MAPK10: variants seen among roughly 807,000 people sequenced by gnomAD.
MAPK10 encodes the protein mitogen-activated protein kinase 10.
MAPK10 carries 25 observed loss-of-function variants against 59.3 expected under a neutral mutation model. The observed-to-expected ratio is 0.42, with a 90% CI of 0.31 to 0.59. The LOEUF (loss-of-function observed/expected upper bound fraction) is 0.59, where lower values mean the gene tolerates loss of function less well. Ranked by LOEUF, MAPK10 falls within the 20% of genes least tolerant of loss-of-function variation. The pLI is 0.15. For missense variants in MAPK10, 351 were observed against 568.9 expected (o/e 0.62, Z 3.90); for synonymous variants, 190 against 200.5 (o/e 0.95, Z 0.44).
At chr4:86,218,236 C>T (rs772189436) in intron 2 of MAPK10, among the ~76,000 whole-genome samples, 9 of 152,182 alleles carry the variant, frequency 5.9e-5, no homozygotes, top group East Asian at 1.9e-4. Context: ...CGGAGTCTCA[C>T]GCTGTCACCT....
At chr4:86,163,355 G>C (rs1299431491) in intron 3 of MAPK10, among the ~76,000 whole-genome samples, 2 of 151,986 alleles carry the variant, frequency 1.3e-5, no homozygotes. Flanking sequence ...AGTATTCCTT[G>C]TCATGACTAT....
At chr4:86,381,307 A>G (rs1484454800) in intron 1 of MAPK10, among the ~76,000 whole-genome samples, 2 of 152,152 alleles carry the variant, frequency 1.3e-5, no homozygotes, top group African/African-American at 4.8e-5. Context: ...TCCAAAGGCA[A>G]TGGGAGACAC....
At chr4:86,515,598 A>AT (rs1390831374) in intron 1 of MAPK10, among the ~76,000 whole-genome samples, 2 of 151,976 alleles carry the variant, frequency 1.3e-5, no homozygotes, top group South Asian at 2.1e-4. Flanking sequence ...GATATTGAGC[A>AT]TTTTTTCATA....
chr4:86,403,627 C>T (rs1160092671), intron 1 of MAPK10, among the ~76,000 whole-genome samples: 1 of 152,150 alleles, frequency 6.6e-6, no homozygotes, highest in African/African-American at 2.4e-5. Context: ...CCTCAGGAAA[C>T]TTACAATCAT....
At chr4:86,589,543 G>C (rs1041690419) in intron 1 of MAPK10, among the ~76,000 whole-genome samples, 1 of 151,942 alleles carries the variant, frequency 6.6e-6, no homozygotes, top group Non-Finnish European at 1.5e-5. Context: ...TTAGCCGGGC[G>C]TGGTGGCTTG....
chr4:86,463,478 T>C (rs1751925283), intron 1 of MAPK10, among the ~76,000 whole-genome samples: 1 of 152,228 alleles, frequency 6.6e-6, no homozygotes, highest in Non-Finnish European at 1.5e-5. Context: ...ATGGATGATA[T>C]ACTTTGTGCT....
intron 1 of MAPK10, among the ~76,000 whole-genome samples, chr4:86,547,492 G>T (rs1022501523): frequency 6.6e-6 from 1 of 152,184 alleles, no homozygotes; most frequent in Non-Finnish European, 1.5e-5. Context: ...TTGCCTTCCC[G>T]CAGGGCAGGG....
intron 6 of MAPK10, 73 bp downstream of exon 6, chr4:86,103,113 G>GTGTT (rs1561724282): frequency 1.2e-6 from 1 of 822,128 alleles, no homozygotes; most frequent in Non-Finnish European, 2.1e-6. Context: ...GTGTGTGTGT[G>GTGTT]TGTGGTGTGT....
At chr4:86,223,344 G>C (rs1483123184) in intron 2 of MAPK10, among the ~76,000 whole-genome samples, 2 of 151,982 alleles carry the variant, frequency 1.3e-5, no homozygotes, top group Non-Finnish European at 2.9e-5. Flanking sequence ...GGAACATCTG[G>C]ATCACCTATA....
At chr4:86,514,276 C>G (rs921573065) in intron 1 of MAPK10, among the ~76,000 whole-genome samples, 11 of 152,172 alleles carry the variant, frequency 7.2e-5, no homozygotes, top group Non-Finnish European at 1.3e-4. Flanking sequence ...ACAAAAAATA[C>G]TTTTGTAAGA....
intron 2 of MAPK10, among the ~76,000 whole-genome samples, chr4:86,218,071 T>C (rs2088254530): frequency 6.6e-6 from 1 of 152,172 alleles, no homozygotes; most frequent in African/African-American, 2.4e-5. Flanking sequence ...TATTTAACAG[T>C]ATCTATTCTG....
intron 2 of MAPK10, among the ~76,000 whole-genome samples, chr4:86,228,681 T>C (rs2091061305): frequency 6.6e-6 from 1 of 152,204 alleles, no homozygotes; most frequent in African/African-American, 2.4e-5. Context: ...TAATTATAAA[T>C]ATCTGTTACC....
chr4:86,422,310 G>T lies in MAPK10; in HGVS notation c.-122+30720C>A, dbSNP rs144248517. Among the ~76,000 whole-genome samples, 909 of 152,238 alleles carry T rather than the reference G, an allele frequency of 6.0e-3. 6 individuals carry two copies. Among genetic ancestry groups the T allele is most frequent in the African/African-American group, 0.02 (811 of 41,548 alleles). ...TGAATGAATGAAGTGTTAGGGACCAGACTTAATGTATTATACCTTAAGAGT... is the reference window on the plus strand; with the variant it reads ...TGAATGAATGAAGTGTTAGGGACCATACTTAATGTATTATACCTTAAGAGT... On this transcript the variant is annotated intron_variant, in intron 1 of 13. Transcript: ENST00000361569.
intron 1 of MAPK10, among the ~76,000 whole-genome samples, chr4:86,464,611 G>T (rs2149062932): frequency 6.6e-6 from 1 of 152,242 alleles, no homozygotes; most frequent in South Asian, 2.1e-4. Context: ...CACGAGGTCA[G>T]GAGATCAAGA....
chr4:86,502,958 T>C (rs1321873831), intron 1 of MAPK10, among the ~76,000 whole-genome samples: 1 of 152,090 alleles, frequency 6.6e-6, no homozygotes, highest in African/African-American at 2.4e-5. Flanking sequence ...CAAAGATTTA[T>C]TCTAGGAAGA....
intron 1 of MAPK10, among the ~76,000 whole-genome samples, chr4:86,471,248 G>A (rs527590622): frequency 7.8e-5 from 10 of 128,990 alleles, no homozygotes; most frequent in South Asian, 4.7e-4. Flanking sequence ...CAGCCTGAGC[G>A]ACACAGCAAG....
intron 9 of MAPK10, among the ~76,000 whole-genome samples, chr4:86,074,262 C>T (rs1411596964): frequency 7.0e-6 from 1 of 142,778 alleles, no homozygotes; most frequent in Non-Finnish European, 1.5e-5. Flanking sequence ...CTTCCTCCAT[C>T]CTTTTATTTT....
intron 11 of MAPK10, among the ~76,000 whole-genome samples, chr4:86,046,610 C>T (rs143827997): frequency 2.1e-4 from 32 of 152,046 alleles, no homozygotes; most frequent in Non-Finnish European, 3.5e-4. Flanking sequence ...CAAAAATCTA[C>T]GATATATTAA....
At chr4:86,395,889 A>G (rs770290733) in intron 1 of MAPK10, among the ~76,000 whole-genome samples, 85 of 152,298 alleles carry the variant, frequency 5.6e-4, no homozygotes, top group Non-Finnish European at 9.0e-4. Flanking sequence ...TCTAAACTTA[A>G]TGATCTCCCA....
Sources: allele counts gnomAD v4.1 joint callset (sites outside exome capture counted in the v4.1 genomes callset), GRCh38; gene constraint gnomAD v4.1.1; transcripts MANE v1.5; gene names NCBI Gene and HGNC (gene_info 2026-07-23, HGNC 2026-07-21).